The following ZNF254 variants were observed in gnomAD, a reference collection of about 807,000 sequenced individuals.
ZNF254 encodes zinc finger protein 254, also known as CTD-2017D11.1.
ZNF254 carries 10 observed loss-of-function variants against 12.4 expected under a neutral mutation model. The ratio of observed to expected loss-of-function variants is 0.80; its 90% CI spans 0.50 to 1.36. The LOEUF (loss-of-function observed/expected upper bound fraction) is 1.36. Among genes scored for constraint, ZNF254 ranks in the 40% most tolerant of loss-of-function variants. ZNF254 has a pLI of 0.00. For missense variants in ZNF254, 996 were observed against 763.9 expected (o/e 1.30, Z -3.58); for synonymous variants, 305 against 253.4 (o/e 1.20, Z -1.93).
chr19:24,109,542 A>G (rs1368908107), intron 3 of ZNF254, among the ~76,000 whole-genome samples: 1 of 152,118 alleles, frequency 6.6e-6, no homozygotes, highest in Non-Finnish European at 1.5e-5. Context: ...CTGTTTGTAT[A>G]CTTTAAGTCA....
chr19:24,041,834 C>T (rs1970177833), intron 1 of ZNF254, among the ~76,000 whole-genome samples: 2 of 152,232 alleles, frequency 1.3e-5, no homozygotes, highest in Non-Finnish European at 2.9e-5. Context: ...TGTAAATACA[C>T]CAATCAGCAC....
chr19:24,075,397 T>C (rs1228808345), intron 2 of ZNF254, among the ~76,000 whole-genome samples: 1 of 151,986 alleles, frequency 6.6e-6, no homozygotes, highest in African/African-American at 2.4e-5. Flanking sequence ...GTCTGAGAAA[T>C]AAAGAGAAAG....
chr19:24,100,884 A>G (rs1402081338), intron 1 of ZNF254, among the ~76,000 whole-genome samples: 1 of 148,992 alleles, frequency 6.7e-6, no homozygotes, highest in Non-Finnish European at 1.5e-5. Flanking sequence ...CTGGAGTGCA[A>G]TGGCTTGATC....
intron 1 of ZNF254, 186 bp from the exon 2 acceptor site, chr19:24,105,752 ACT>A (rs1212300176): frequency 5.3e-6 from 5 of 939,022 alleles, no homozygotes; most frequent in Non-Finnish European, 7.3e-6. Context: ...ATATTTTGCC[ACT>A]CTATTTTCTC....
intron 2 of ZNF254, among the ~76,000 whole-genome samples, chr19:24,068,660 A>G (rs1021308773): frequency 7.2e-5 from 11 of 152,138 alleles, no homozygotes; most frequent in Non-Finnish European, 1.2e-4. Context: ...AACCTAGATG[A>G]TGTGATATGA....
At chr19:24,064,382 C>G (rs1034191387) in intron 2 of ZNF254, among the ~76,000 whole-genome samples, 2 of 152,058 alleles carry the variant, frequency 1.3e-5, no homozygotes, top group Non-Finnish European at 2.9e-5. Context: ...TACTGCTGGA[C>G]CAACATGCTA....
rs1014761164 is a variant in ZNF254 at position 24,076,773 on chromosome 19, T to G, written c.-93-29167T>G. On this transcript the variant is annotated intron_variant, in intron 2 of 4. Coordinates refer to the ZNF254 transcript ENST00000613065. ...TCTGAATAGATACATTGTTTTATTC[T>G]GTCAAGTTTAAATAGATACGCTTGA... is the stretch of plus-strand genomic sequence containing the variant. Among the ~76,000 whole-genome samples, 3 of 152,326 alleles carry G rather than the reference T, an allele frequency of 2.0e-5. No individual in the cohort carries two copies. In the South Asian group the frequency reaches 6.2e-4, roughly 32 times the overall value.
upstream of ZNF254, among the ~76,000 whole-genome samples, chr19:24,085,601 GT>G (rs1285395251): frequency 1.3e-5 from 2 of 151,304 alleles, no homozygotes; most frequent in Admixed American, 6.6e-5. Context: ...GCAAATTCCA[GT>G]CCCTACTTAA....
rs1412918438 is a variant in ZNF254 at position 24,126,317 on chromosome 19, A to G, written c.317A>G (p.Lys106Arg). ...PEQGMEDSFQ[K>R]AILRRYGKYG... ...CAGGGCATGGAAGATTCTTTTCAAA[A>G]AGCAATACTGAGAAGATATGGAAAA... Residue 106 changes from lysine (K) to arginine (R), a missense_variant, in exon 4 of 4, where the codon AAA becomes AGA. Coordinates refer to ENST00000357002, the MANE Select transcript of ZNF254 (RefSeq NM_203282.4). 6 of 1,595,510 alleles carry G rather than the reference A, an allele frequency of 3.8e-6. No homozygotes were observed. The Admixed American group carries it at 1.0e-4, about 28-fold the overall frequency.
chr19:24,113,635 T>C (rs1047606941), intron 3 of ZNF254, among the ~76,000 whole-genome samples: 6 of 152,290 alleles, frequency 3.9e-5, no homozygotes, highest in African/African-American at 1.4e-4. Context: ...AAGACAGGGA[T>C]GCCCTCTCTC....
intron 1 of ZNF254, chr19:24,033,690 C>T: frequency 3.3e-6 from 1 of 301,716 alleles, no homozygotes; most frequent in African/African-American, 2.3e-5. Context: ...CTGCCTTCGT[C>T]ACCGCTCCCG....
At chr19:24,125,307 T>C (rs1258415990) in intron 3 of ZNF254, among the ~76,000 whole-genome samples, 1 of 151,958 alleles carries the variant, frequency 6.6e-6, no homozygotes, top group African/African-American at 2.4e-5. Context: ...ATCTTAACTA[T>C]TTTTTATTCT....
chr19:24,113,023 A>G (rs568647129), intron 3 of ZNF254, among the ~76,000 whole-genome samples: 4 of 152,362 alleles, frequency 2.6e-5, no homozygotes, highest in Admixed American at 1.3e-4. Flanking sequence ...AGGAGCTGAA[A>G]TTGTGGCAAT....
chr19:24,074,509 T>TGAA (rs1971591237), intron 2 of ZNF254, among the ~76,000 whole-genome samples: 1 of 152,190 alleles, frequency 6.6e-6, no homozygotes, highest in Non-Finnish European at 1.5e-5. Context: ...TTAGATGATG[T>TGAA]GACTATTCTT....
At chr19:24,120,881 C>A (rs1243591719) in intron 3 of ZNF254, among the ~76,000 whole-genome samples, 2 of 151,954 alleles carry the variant, frequency 1.3e-5, no homozygotes, top group Non-Finnish European at 2.9e-5. Flanking sequence ...CCATGTTAAC[C>A]AGGATGGTCT....
intron 3 of ZNF254, among the ~76,000 whole-genome samples, chr19:24,109,641 C>A (rs188141700): frequency 5.1e-4 from 77 of 151,900 alleles, no homozygotes; most frequent in African/African-American, 1.8e-3. Flanking sequence ...CAAATATGAC[C>A]CAAATTTGGT....
intron 2 of ZNF254, among the ~76,000 whole-genome samples, chr19:24,067,952 ATTGTG>A (rs1971339219): frequency 6.6e-6 from 1 of 152,154 alleles, no homozygotes; most frequent in African/African-American, 2.4e-5. Flanking sequence ...CCACAAGGGA[ATTGTG>A]TTGTGTCAGT....
At chr19:24,048,989 C>T (rs1312319040) in intron 2 of ZNF254, 1 of 151,664 alleles carries the variant, frequency 6.6e-6, no homozygotes, top group African/African-American at 2.4e-5. Flanking sequence ...CACGGTCAAG[C>T]GATCTGCTGG....
rs778678378 is a variant in ZNF254, at chr19:24,126,988, G to A, written c.988G>A (p.Ala330Thr). ...CTACAAGTGTGAAGAATGTGGCAAA[G>A]CATTTATATGGTCCTCAACACTAAC... ...KPYKCEECGKAFIWSSTLTRH... is the reference protein window; with the variant it reads ...KPYKCEECGKTFIWSSTLTRH... The change falls in exon 4 of 4, where the codon GCA becomes ACA. Residue 330 changes from alanine (A) to threonine (T), a missense_variant. Transcript: ENST00000357002. 1.5e-5 allele frequency: 24 copies of A among 1,613,534 alleles called. No homozygotes were observed. The East Asian group carries it at 2.0e-4, about 14-fold the overall frequency.
Sources: allele counts gnomAD v4.1 joint callset (sites outside exome capture counted in the v4.1 genomes callset), GRCh38; gene constraint gnomAD v4.1.1; transcripts MANE v1.5; gene names NCBI Gene and HGNC (gene_info 2026-07-23, HGNC 2026-07-21).